Variants in MACO1 observed in about 807,000 individuals in gnomAD.
MACO1 encodes macoilin.
In MACO1, 14 loss-of-function variants were observed where a neutral mutation model predicts 78.7. That is an observed-to-expected ratio of 0.18 (90% CI 0.12 to 0.28). The LOEUF is 0.28. Among genes scored for constraint, MACO1 ranks in the 10% least tolerant of loss-of-function variants. The probability of loss-of-function intolerance (pLI) is 1.00; values close to 1 mark genes in which losing one functional copy is unlikely to be tolerated. For missense variants in MACO1, 501 were observed against 799.0 expected (o/e 0.63, Z 4.50); for synonymous variants, 288 against 291.6 (o/e 0.99, Z 0.12).
At chr1:25,480,926 AAAAATATATATATAT>A (rs1248664139) in intron 6 of MACO1, among the ~76,000 whole-genome samples, 6 of 34,818 alleles carry the variant, frequency 1.7e-4, no homozygotes, top group African/African-American at 4.9e-4. Context: ...AAAAAAAAAA[AAAAATATATATATAT>A]ATATATATAT....
intron 3 of MACO1, among the ~76,000 whole-genome samples, chr1:25,452,290 C>T (rs891645022): frequency 9.9e-5 from 15 of 152,250 alleles, no homozygotes; most frequent in Middle Eastern, 3.4e-3. Flanking sequence ...CCATGTAGTC[C>T]ACATTCATAA....
chr1:25,490,603 G>A (rs964858247), intron 9 of MACO1, among the ~76,000 whole-genome samples: 2 of 152,156 alleles, frequency 1.3e-5, no homozygotes, highest in Non-Finnish European at 2.9e-5. Context: ...AATGAGTGAT[G>A]TACAGAGATG....
chr1:25,437,176 C>T (rs2042926121), intron 1 of MACO1, among the ~76,000 whole-genome samples: 1 of 151,476 alleles, frequency 6.6e-6, no homozygotes, highest in African/African-American at 2.4e-5. Context: ...ATTCTGTCGC[C>T]CAGGCTGGAG....
chr1:25,440,232 A>C (rs1275032470), intron 1 of MACO1, among the ~76,000 whole-genome samples: 3 of 37,000 alleles, frequency 8.1e-5, no homozygotes, highest in African/African-American at 2.9e-4. Context: ...CATCTCTACA[A>C]AAAAAAAAAA....
At position 25,499,237 on chromosome 1, in the gene MACO1, TATCAAGCTCACTGCGG is replaced by T. The variant is rs1314969164; in HGVS notation, c.*775_*790del. On this transcript the variant is annotated 3_prime_UTR_variant, in exon 11 of 11. Transcript: ENST00000374343. Reference sequence around the variant, plus strand: ...TTTACCGTCATCTATCCTCTATCTGTATCAAGCTCACTGCGGATCCTGCTGTAAAACTGGTGGGTAG... The same window carrying T: ...TTTACCGTCATCTATCCTCTATCTGTATCCTGCTGTAAAACTGGTGGGTAG... 2 of 152,226 alleles carry T rather than the reference TATCAAGCTCACTGCGG, an allele frequency of 1.3e-5. No homozygotes were observed. The highest frequency in any genetic ancestry group is 6.5e-5 in the Admixed American group (1 of 15,286). 9.4% of individuals were successfully genotyped at this position (152,226 alleles called of 1,614,324 possible). A position where few individuals can be genotyped will look rare whatever the true frequency, so the allele number is the denominator to read the frequency against.
At position 25,498,618 on chromosome 1, in the gene MACO1, A is replaced by G; in HGVS notation, c.*152A>G. ...AAAAAGGGGGGAAAAGATAACATCCAAGTCTGATTAGAACTGCCCATCAGT... is the reference window on the plus strand; with the variant it reads ...AAAAAGGGGGGAAAAGATAACATCCGAGTCTGATTAGAACTGCCCATCAGT... On this transcript the variant is annotated 3_prime_UTR_variant, in exon 11 of 11. Coordinates refer to ENST00000374343, the MANE Select transcript of MACO1 (RefSeq NM_018202.6). 1.4e-6 allele frequency: 1 copy of G among 700,572 alleles called. No homozygotes were observed. The highest frequency in any genetic ancestry group is 2.8e-5 in the East Asian group (1 of 36,074). The allele number at this position is 700,572 out of a possible 1,614,324, so 43.4% of individuals were successfully genotyped here.
intron 1 of MACO1, among the ~76,000 whole-genome samples, chr1:25,442,720 A>AC: frequency 6.6e-6 from 1 of 151,362 alleles, no homozygotes; most frequent in Non-Finnish European, 1.5e-5. Flanking sequence ...AATGGGGGGA[A>AC]ACCTTATAGA....
intron 6 of MACO1, among the ~76,000 whole-genome samples, chr1:25,464,447 C>T (rs1333614875): frequency 3.5e-5 from 5 of 142,646 alleles, no homozygotes; most frequent in African/African-American, 7.9e-5. Context: ...CAGGTTCAAG[C>T]GATTCTCCTG....
rs969528255 is a variant in MACO1 at position 25,435,738 on chromosome 1, A to G, written c.80+4560A>G. On this transcript the variant is annotated intron_variant, in intron 1 of 10. Transcript: ENST00000374343. ...TTAACAATCCTGGACCTGGCACGAA[A>G]GTGATAGATTCTGTATTGTTTTAGA... 2.6e-5 allele frequency among the ~76,000 whole-genome samples: 4 copies of G among 152,240 alleles called. No individual in the cohort carries two copies. In the East Asian group the frequency reaches 7.7e-4, roughly 29 times the overall value.
intron 1 of MACO1, among the ~76,000 whole-genome samples, chr1:25,437,854 G>C (rs1433967920): frequency 6.6e-6 from 1 of 152,160 alleles, no homozygotes; most frequent in African/African-American, 2.4e-5. Context: ...CCAGGAGTTT[G>C]AGGCTGCAGT....
chr1:25,431,706 C>CA (rs1301238125), intron 1 of MACO1, among the ~76,000 whole-genome samples: 4 of 152,184 alleles, frequency 2.6e-5, no homozygotes, highest in African/African-American at 7.2e-5. Flanking sequence ...GGCCTGGGGC[C>CA]ATGCTGTCAC....
In MACO1 at chr1:25,498,808, C is replaced by T. The variant is rs1218909868; in HGVS notation, c.*342C>T. The T allele has an allele frequency of 4.6e-6, 1 of 217,820 alleles. No individual in the cohort carries two copies. Among genetic ancestry groups the T allele is most frequent in the Non-Finnish European group, 8.9e-6 (1 of 111,988 alleles). 13.5% of individuals were successfully genotyped at this position (217,820 alleles called of 1,614,324 possible). Reference sequence around the variant, plus strand: ...AAAAGCAGAGTTTTTGTTTTTCAACCCTTTATGTTTGTTTTGTTTTATTCT... The same window carrying T: ...AAAAGCAGAGTTTTTGTTTTTCAACTCTTTATGTTTGTTTTGTTTTATTCT... On this transcript the variant is annotated 3_prime_UTR_variant, in exon 11 of 11. Transcript: ENST00000374343.
At chr1:25,491,708 A>G in intron 10 of MACO1, 124 bp downstream of exon 10, 3 of 715,146 alleles carry the variant, frequency 4.2e-6, no homozygotes, top group Non-Finnish European at 6.9e-6. Flanking sequence ...GAGTCTTGGT[A>G]AGTGCCCAAC....
chr1:25,471,161 A>T (rs903764234), intron 6 of MACO1, among the ~76,000 whole-genome samples: 5 of 152,132 alleles, frequency 3.3e-5, no homozygotes, highest in Non-Finnish European at 5.9e-5. Flanking sequence ...CAACATGGCA[A>T]AACTCTGTCT....
intron 3 of MACO1, among the ~76,000 whole-genome samples, chr1:25,453,351 A>G (rs942246986): frequency 3.4e-4 from 50 of 148,054 alleles, no homozygotes; most frequent in African/African-American, 1.2e-3. Flanking sequence ...TTATGTTTCT[A>G]TGGGGTAGAT....
intron 3 of MACO1, among the ~76,000 whole-genome samples, chr1:25,452,475 A>T (rs1216916101): frequency 6.6e-6 from 1 of 152,316 alleles, no homozygotes; most frequent in African/African-American, 2.4e-5. Flanking sequence ...TTCAGAAAAA[A>T]TTTTTTTGAA....
chr1:25,497,919 G>A (rs1467137905), intron 10 of MACO1, among the ~76,000 whole-genome samples: 1 of 152,178 alleles, frequency 6.6e-6, no homozygotes, highest in Non-Finnish European at 1.5e-5. Context: ...ACACCTATAT[G>A]AACAGAATCC....
At chr1:25,489,647 A>AG (rs1044027011) in intron 9 of MACO1, among the ~76,000 whole-genome samples, 3 of 152,182 alleles carry the variant, frequency 2.0e-5, no homozygotes, top group African/African-American at 7.2e-5. Context: ...TTCTATTGCC[A>AG]GGGGACTGAC....
At chr1:25,434,844 A>G (rs566925355) in intron 1 of MACO1, among the ~76,000 whole-genome samples, 20 of 152,268 alleles carry the variant, frequency 1.3e-4, no homozygotes, top group Admixed American at 1.0e-3. Flanking sequence ...CCCGATAGTA[A>G]TATCTCATTG....
Sources: allele counts gnomAD v4.1 joint callset (sites outside exome capture counted in the v4.1 genomes callset), GRCh38; gene constraint gnomAD v4.1.1; transcripts MANE v1.5; gene names NCBI Gene and HGNC (gene_info 2026-07-23, HGNC 2026-07-21).